Variants in UBN1 observed in about 807,000 individuals in gnomAD.
UBN1 encodes ubinuclein 1.
A neutral mutation model predicts 108.5 loss-of-function variants in UBN1; 17 were observed. That is an observed-to-expected ratio of 0.16 (90% CI 0.11 to 0.24). The LOEUF (loss-of-function observed/expected upper bound fraction) is 0.24. UBN1 is among the 10% of genes least tolerant of loss of function. The probability of loss-of-function intolerance (pLI) is 1.00; values close to 1 mark genes in which losing one functional copy is unlikely to be tolerated. For synonymous variants in UBN1, 726 were observed against 564.2 expected (o/e 1.29, Z -4.07); for missense variants, 1,595 against 1,394.4 (o/e 1.14, Z -2.29).
chr16:4,864,248 G>A (rs1484686930), intron 7 of UBN1, among the ~76,000 whole-genome samples: 2 of 151,880 alleles, frequency 1.3e-5, no homozygotes, highest in Non-Finnish European at 2.9e-5. Flanking sequence ...CACTGCGCCT[G>A]GCCTGTGTTC....
intron 12 of UBN1, chr16:4,872,156 G>A: frequency 1.0e-6 from 1 of 982,806 alleles, no homozygotes; most frequent in South Asian, 4.7e-5. Flanking sequence ...ATAGATCTTG[G>A]AACCTTTGAA....
At chr16:4,858,192 C>A in intron 3 of UBN1, 116 bp downstream of exon 3, 1 of 760,580 alleles carries the variant, frequency 1.3e-6, no homozygotes, top group Non-Finnish European at 2.2e-6. Flanking sequence ...AAGCCTTAAG[C>A]ATGGAGAGAA....
chr16:4,855,053 C>G (rs553342818), intron 2 of UBN1, among the ~76,000 whole-genome samples: 1 of 152,264 alleles, frequency 6.6e-6, no homozygotes, highest in East Asian at 1.9e-4. Flanking sequence ...CCTGTGTCTG[C>G]CTTTGCACTG....
chr16:4,858,176 G>T, intron 3 of UBN1, 100 bp downstream of exon 3: 2 of 824,618 alleles, frequency 2.4e-6, no homozygotes, highest in Admixed American at 4.4e-5. Flanking sequence ...ACACTGATCT[G>T]GAAGTAAGCC....
chr16:4,869,802 G>C (rs1004959049), intron 8 of UBN1, among the ~76,000 whole-genome samples: 4 of 152,104 alleles, frequency 2.6e-5, no homozygotes, highest in Admixed American at 2.0e-4. Context: ...GGCTTTCCCT[G>C]ACCTCATAAT....
chr16:4,856,894 A>G (rs1380471566), intron 2 of UBN1, among the ~76,000 whole-genome samples: 2 of 152,232 alleles, frequency 1.3e-5, no homozygotes, highest in South Asian at 4.1e-4. Flanking sequence ...ACCACAAATC[A>G]TTTAACTGAT....
chr16:4,852,744 AAAC>A, intron 1 of UBN1, 132 bp from the exon 2 acceptor site: 4 of 1,007,430 alleles, frequency 4.0e-6, no homozygotes, highest in Non-Finnish European at 5.5e-6. Flanking sequence ...AAGCAGAAAA[AAAC>A]AATAAATGAC....
intron 7 of UBN1, among the ~76,000 whole-genome samples, 156 bp from the exon 8 acceptor site, chr16:4,868,677 G>A (rs1332682351): frequency 1.3e-5 from 2 of 152,206 alleles, no homozygotes; most frequent in East Asian, 1.9e-4. Flanking sequence ...GATCGCAGGC[G>A]AACTTAACCT....
chr16:4,864,859 G>A (rs983303299), intron 7 of UBN1, among the ~76,000 whole-genome samples: 5 of 149,282 alleles, frequency 3.3e-5, no homozygotes, highest in African/African-American at 1.3e-4. Flanking sequence ...AGAGAATAAC[G>A]TAGGGGGAAA....
At chr16:4,868,360 T>A (rs749044579) in intron 7 of UBN1, among the ~76,000 whole-genome samples, 6 of 152,214 alleles carry the variant, frequency 3.9e-5, no homozygotes, top group Admixed American at 1.3e-4. Flanking sequence ...GATTAGGAAT[T>A]GTCAAAGAGT....
rs1193536309 is a variant in UBN1 at position 4,870,871 on chromosome 16, G to T, written c.1458G>T (p.Glu486Asp). 6.2e-7 allele frequency: 1 copy of T among 1,614,110 alleles called. No individual in the cohort carries two copies. Among genetic ancestry groups the T allele is most frequent in the East Asian group, 2.2e-5 (1 of 44,868 alleles). ...TGCTGGAAGAGGAGAAAGACAAGGA[G>T]CAGAGGGACCGGATTTGTTCGGATG... is the stretch of plus-strand genomic sequence containing the variant. The part of the protein sequence containing the change: ...AKMLEEEKDK[E>D]QRDRICSDEE... Residue 486 changes from glutamate to aspartate, a missense_variant, in exon 11 of 18, where the codon GAG becomes GAT. Coordinates refer to ENST00000262376, the MANE Select transcript of UBN1 (RefSeq NM_001079514.3).
rs186882645 is a variant in UBN1 at position 4,853,807 on chromosome 16, C to T, written c.249+641C>T. ...AAACTCCTGGCCTCAAGTGATCTGC[C>T]TGCCTTGGCTTCCCAAAGTGCTGGG... On this transcript the variant is annotated intron_variant, in intron 2 of 17. Transcript: ENST00000262376. Among the ~76,000 whole-genome samples the T allele has an allele frequency of 3.6e-3, 550 of 152,214 alleles. 4 individuals carry two copies. The highest frequency in any genetic ancestry group is 5.2e-3 in the Non-Finnish European group (357 of 68,008).
chr16:4,876,990 T>C lies in UBN1; in HGVS notation c.3144T>C (p.Pro1048=), dbSNP rs372501593. The part of the protein sequence containing the change: ...MSSNSLGIIT[P]VPIPVHVLSF... The stretch of plus-strand genomic sequence containing the variant: ...CGAACTCCTTGGGAATTATAACCCC[T>C]GTCCCTATTCCTGTCCATGTGCTCT... The change falls in exon 16 of 18, where the codon CCT becomes CCC. Residue 1048 remains proline (P), a synonymous_variant. Transcript: ENST00000262376. The C allele has an allele frequency of 1.5e-5, 24 of 1,614,130 alleles. No homozygotes were observed. Among genetic ancestry groups the C allele is most frequent in the Non-Finnish European group, 1.9e-5 (22 of 1,180,046 alleles).
At chr16:4,863,481 A>G (rs1266888944) in intron 7 of UBN1, among the ~76,000 whole-genome samples, 2 of 152,132 alleles carry the variant, frequency 1.3e-5, no homozygotes, top group Non-Finnish European at 2.9e-5. Flanking sequence ...TGATATTTGG[A>G]TCCTTAATAA....
At chr16:4,849,648 G>T (rs576492437) in intron 1 of UBN1, among the ~76,000 whole-genome samples, 1 of 151,642 alleles carries the variant, frequency 6.6e-6, no homozygotes, top group Non-Finnish European at 1.5e-5. Context: ...CTGGAGTGCA[G>T]TGGCAGGATC....
intron 7 of UBN1, among the ~76,000 whole-genome samples, chr16:4,866,993 A>G (rs1427691117): frequency 3.3e-5 from 5 of 152,254 alleles, no homozygotes; most frequent in Admixed American, 6.5e-5. Flanking sequence ...ACTGGAGGCA[A>G]CAGGCTTCGC....
chr16:4,848,333 A>G (rs377504392), intron 1 of UBN1, 123 bp downstream of exon 1: 1 of 152,266 alleles, frequency 6.6e-6, no homozygotes, highest in East Asian at 1.9e-4. Flanking sequence ...AAACTGAACC[A>G]TGAACTGGGA....
chr16:4,849,949 C>CAAAAAAAAAAAAAAAAAA (rs751842571), intron 1 of UBN1, among the ~76,000 whole-genome samples: 5 of 72,182 alleles, frequency 6.9e-5, no homozygotes, highest in African/African-American at 1.8e-4. Flanking sequence ...AACTGTCTCA[C>CAAAAAAAAAAAAAAAAAA]AAAAAAAAAA....
Position 4,874,221 on chromosome 16 carries a change from C to A in UBN1, c.1811C>A (p.Thr604Lys). 6.4e-7 allele frequency: 1 copy of A among 1,557,740 alleles called. No individual in the cohort carries two copies. Among genetic ancestry groups the A allele is most frequent in the Non-Finnish European group, 8.7e-7 (1 of 1,153,240 alleles). ...TCTGTTTTCCTTTAGGAATCGTCTA[C>A]GAAGCCTGATAAAAAGGTTTCTGTC... ...PSKIKVKESS[T>K]KPDKKVSVPS... Residue 604 changes from threonine to lysine, a missense_variant, in exon 15 of 18, where the codon ACG (threonine) becomes AAG (lysine). Physicochemically the swap from Thr to Lys is moderately conservative, Grantham distance 78. Around this residue, in one of 3 missense-constraint regions of UBN1, gnomAD observed 1,398 missense variants for 1,194.7 expected, o/e 1.17. Coordinates refer to ENST00000262376, the MANE Select transcript of UBN1 (RefSeq NM_001079514.3).
Sources: gnomAD v4.1 joint callset for allele counts (sites outside exome capture counted in the v4.1 genomes callset) on GRCh38, gnomAD v4.1.1 for gene constraint, gnomAD v4.1.1 regional missense constraint, MANE v1.5 for transcripts, NCBI Gene and HGNC (gene_info 2026-07-23, HGNC 2026-07-21) for gene names.